The following PLCG2 variants were observed in gnomAD, a reference collection of about 807,000 sequenced individuals.
The protein encoded by PLCG2 is 1-phosphatidylinositol 4,5-bisphosphate phosphodiesterase gamma-2.
Under a neutral mutation model 175.6 loss-of-function variants are expected in PLCG2, and 69 were observed. That is an observed-to-expected ratio of 0.39 (90% confidence interval 0.32 to 0.48). The LOEUF (loss-of-function observed/expected upper bound fraction) is 0.48. Ranked by LOEUF, PLCG2 falls within the 20% of genes least tolerant of loss-of-function variation. The pLI, the probability that PLCG2 is intolerant of heterozygous loss-of-function variation, is 0.91. For synonymous variants in PLCG2, 827 were observed against 624.0 expected (o/e 1.33, Z -4.85); for missense variants, 1,798 against 1,650.9 (o/e 1.09, Z -1.54).
intron 2 of PLCG2, among the ~76,000 whole-genome samples, chr16:81,825,568 T>C (rs533122813): frequency 6.6e-6 from 1 of 152,330 alleles, no homozygotes; most frequent in African/African-American, 2.4e-5. Flanking sequence ...GTGCTGGGAT[T>C]ATAGGCGTGA....
rs2143726099 is a variant in PLCG2, at chr16:81,936,177, G to C, written c.2851G>C (p.Asp951His). 2 of 1,613,956 alleles carry C rather than the reference G, an allele frequency of 1.2e-6. No individual in the cohort carries two copies. Among genetic ancestry groups the C allele is most frequent in the African/African-American group, 1.3e-5 (1 of 75,018 alleles). ...TTTTTCTCTGTGTGCAGAAAATCCT[G>C]ACTTCCGAGAAATCCGCTCCTTTGT... ...SKTKDNLENP[D>H]FREIRSFVET... Residue 951 changes from aspartate (D) to histidine (H), a missense_variant, in exon 27 of 33, where the codon GAC (aspartate) becomes CAC (histidine). Transcript: ENST00000564138.
At chr16:81,779,239 G>C (rs537642709), upstream of PLCG2, 3 of 151,342 alleles carry the variant, frequency 2.0e-5, no homozygotes, top group African/African-American at 4.8e-5. Context: ...GAGGCTGGGC[G>C]GTGCGGGGGG....
intron 2 of PLCG2, among the ~76,000 whole-genome samples, chr16:81,764,973 C>A (rs1398774989): frequency 7.6e-6 from 1 of 130,960 alleles, no homozygotes; most frequent in African/African-American, 2.7e-5. Context: ...CCTGTGGTCC[C>A]AGCTACTCGG....
chr16:81,926,318 A>C (rs528481968), intron 22 of PLCG2, among the ~76,000 whole-genome samples: 1 of 152,244 alleles, frequency 6.6e-6, no homozygotes, highest in South Asian at 2.1e-4. Flanking sequence ...TCAGAGGTGC[A>C]TTTTGGAGAG....
chr16:81,896,851 A>C (rs184401908), intron 13 of PLCG2, among the ~76,000 whole-genome samples: 51 of 152,320 alleles, frequency 3.3e-4, no homozygotes, highest in African/African-American at 1.2e-3. Flanking sequence ...AGATGAGTAA[A>C]TTGAGACAAG....
intron 7 of PLCG2, among the ~76,000 whole-genome samples, chr16:81,879,253 T>C (rs537129070): frequency 6.6e-6 from 1 of 152,280 alleles, no homozygotes; most frequent in African/African-American, 2.4e-5. Context: ...CCCTGATGCC[T>C]TCAGCAGCAG....
At chr16:81,948,316 G>C (rs1318118550) in intron 31 of PLCG2, among the ~76,000 whole-genome samples, 2 of 149,658 alleles carry the variant, frequency 1.3e-5, no homozygotes, top group Non-Finnish European at 3.0e-5. Flanking sequence ...GTGAGATCCC[G>C]AAGAATGGGA....
intron 31 of PLCG2, among the ~76,000 whole-genome samples, chr16:81,946,546 A>G (rs1911158058): frequency 6.6e-6 from 1 of 152,080 alleles, no homozygotes; most frequent in South Asian, 2.1e-4. Context: ...CTTCAGCAAG[A>G]GCCAGGCCAG....
intron 29 of PLCG2, among the ~76,000 whole-genome samples, chr16:81,939,245 A>G (rs1188406348): frequency 2.6e-5 from 4 of 152,110 alleles, no homozygotes; most frequent in Non-Finnish European, 4.4e-5. Flanking sequence ...ACACAGAGAG[A>G]GGGGGTGAAC....
At chr16:81,942,449 C>A (rs1045260683) in intron 30 of PLCG2, among the ~76,000 whole-genome samples, 4 of 152,204 alleles carry the variant, frequency 2.6e-5, no homozygotes, top group African/African-American at 9.6e-5. Context: ...GTGCCTGGCA[C>A]ATCCATATTC....
intron 5 of PLCG2, among the ~76,000 whole-genome samples, chr16:81,861,629 G>C (rs1362169216): frequency 6.6e-6 from 1 of 152,126 alleles, no homozygotes; most frequent in Non-Finnish European, 1.5e-5. Context: ...GGAAGATTTG[G>C]TACACACTGG....
At chr16:81,841,923 G>A (rs1203569709) in intron 2 of PLCG2, among the ~76,000 whole-genome samples, 1 of 152,246 alleles carries the variant, frequency 6.6e-6, no homozygotes, top group African/African-American at 2.4e-5. Flanking sequence ...GAAACCACCA[G>A]CAGCTGGGAA....
chr16:81,866,932 C>G (rs1175790272), intron 5 of PLCG2, among the ~76,000 whole-genome samples: 1 of 152,266 alleles, frequency 6.6e-6, no homozygotes, highest in African/African-American at 2.4e-5. Flanking sequence ...GCCCCTGGGG[C>G]AACTTCCCTA....
chr16:81,921,338 C>G (rs535806453), intron 21 of PLCG2, 69 bp downstream of exon 21: 6 of 1,041,192 alleles, frequency 5.8e-6, no homozygotes, highest in Non-Finnish European at 9.1e-6. Flanking sequence ...CATCTTGTTC[C>G]CATGGCAGTT....
rs146223164 is a variant in PLCG2, at chr16:81,791,426, C to T, written c.193+5244C>T. 7.0e-3 allele frequency among the ~76,000 whole-genome samples: 1,072 copies of T among 152,244 alleles called. 11 individuals are homozygous for T. The highest frequency in any genetic ancestry group is 0.024 in the African/African-American group (999 of 41,530). On this transcript the variant is annotated intron_variant, in intron 2 of 32. Coordinates refer to ENST00000564138, the MANE Select transcript of PLCG2 (RefSeq NM_002661.5). ...TTGTGGGTCATAGATCTGGGCAGAG[C>T]TCAGCTGGGCAATTCTTCTACTCTT...
intron 30 of PLCG2, among the ~76,000 whole-genome samples, chr16:81,942,918 AT>A (rs71146055): frequency 0.17 from 24,833 of 147,830 alleles, 2,498 homozygotes; most frequent in South Asian, 0.29. Context: ...AAAAACAATT[AT>A]TTTTTTTTTT....
At chr16:81,852,906 C>A (rs1200252060) in intron 2 of PLCG2, among the ~76,000 whole-genome samples, 3 of 152,228 alleles carry the variant, frequency 2.0e-5, no homozygotes, top group East Asian at 1.9e-4. Context: ...GGCATTGATT[C>A]TTCTTCCATG....
chr16:81,899,491 C>T (rs573416193), intron 13 of PLCG2, among the ~76,000 whole-genome samples: 4 of 152,240 alleles, frequency 2.6e-5, no homozygotes, highest in South Asian at 2.1e-4. Context: ...TTCTGAGACA[C>T]GCACAAAGTG....
intron 24 of PLCG2, chr16:81,931,267 GGT>G: frequency 2.5e-6 from 1 of 402,882 alleles, no homozygotes; most frequent in South Asian, 5.6e-5. Flanking sequence ...CACAGGTACT[GGT>G]GACCTGACAC....
Sources: allele counts gnomAD v4.1 joint callset (sites outside exome capture counted in the v4.1 genomes callset), GRCh38; gene constraint gnomAD v4.1.1; transcripts MANE v1.5; gene names NCBI Gene and HGNC (gene_info 2026-07-23, HGNC 2026-07-21).